Variants in CTXN2 observed in about 807,000 individuals in gnomAD.
CTXN2 encodes the protein cortexin 2, also known as cortexin-2.
Under a neutral mutation model 5.7 loss-of-function variants are expected in CTXN2, and 3 were observed. The observed-to-expected ratio is 0.53, with a 90% CI of 0.24 to 1.36. CTXN2 has a LOEUF of 1.36. Among genes scored for constraint, CTXN2 ranks in the 40% most tolerant of loss-of-function variants. The probability of loss-of-function intolerance (pLI) is 0.17; values close to 1 mark genes in which losing one functional copy is unlikely to be tolerated. For missense variants in CTXN2, 87 were observed against 93.0 expected, an observed-to-expected ratio of 0.94 and a Z score of 0.26; for synonymous variants, 38 against 36.4, an observed-to-expected ratio of 1.04 and a Z score of -0.16.
Position 48,203,223 on chromosome 15 carries a change from T to A in CTXN2, c.*1677T>A, listed in dbSNP as rs748390034. 4.2e-5 allele frequency: 7 copies of A among 167,124 alleles called. No individual in the cohort carries two copies. The highest frequency in any genetic ancestry group is 1.0e-4 in the Non-Finnish European group (7 of 68,136). 10.4% of individuals were successfully genotyped at this position (167,124 alleles called of 1,614,324 possible). A position where few individuals can be genotyped will look rare whatever the true frequency, so the allele number is the denominator to read the frequency against. On this transcript the variant is annotated 3_prime_UTR_variant, in exon 2 of 2. Transcript: ENST00000417307. ...ACTTCTACATAGCTTATAGGCATGG[T>A]TACTGCTCAGGTCTATGGAATTCCA...
chr15:48,189,713 G>T (rs2040795446), upstream of CTXN2, among the ~76,000 whole-genome samples: 1 of 152,172 alleles, frequency 6.6e-6, no homozygotes, highest in Non-Finnish European at 1.5e-5. Context: ...AACATACATA[G>T]AATAATAGAT....
At chr15:48,187,166 C>G (rs76856736), upstream of CTXN2, among the ~76,000 whole-genome samples, 202 of 150,612 alleles carry the variant, frequency 1.3e-3, 4 homozygotes, top group East Asian at 0.038. Flanking sequence ...TTCCTCCCCC[C>G]GAAACAATGA....
chr15:48,184,789 G>C (rs6493307), intron 1 of CTXN2, among the ~76,000 whole-genome samples: 151,710 of 152,282 alleles, frequency 1, 75,573 homozygotes, highest in Middle Eastern at 1. Context: ...CAATCACGCT[G>C]TTAGTTATTT....
In CTXN2 at chr15:48,202,521, A is replaced by G. The variant is rs2040936936; in HGVS notation, c.*975A>G. The G allele has an allele frequency of 1.2e-5, 2 of 167,098 alleles. No individual in the cohort carries two copies. The highest frequency in any genetic ancestry group is 3.1e-3 in the Middle Eastern group (1 of 318). 10.4% of individuals were successfully genotyped at this position (167,098 alleles called of 1,614,324 possible). On this transcript the variant is annotated 3_prime_UTR_variant, in exon 2 of 2. Coordinates refer to ENST00000417307, the MANE Select transcript of CTXN2 (RefSeq NM_001145668.2). ...AATTCTAATGTTAGCTTAGCCAAGA[A>G]CTAGCTTTATGACCTAGAAAGTTAC...
intron 1 of CTXN2, among the ~76,000 whole-genome samples, chr15:48,193,666 A>G (rs779624608): frequency 2.0e-5 from 3 of 152,088 alleles, no homozygotes; most frequent in Non-Finnish European, 2.9e-5. Context: ...TTTTATCTAT[A>G]ACTGTTGAGT....
chr15:48,186,627 G>A (rs568975227), intron 1 of CTXN2, among the ~76,000 whole-genome samples: 128 of 152,226 alleles, frequency 8.4e-4, no homozygotes, highest in African/African-American at 2.3e-3. Context: ...TTGGCCAGGC[G>A]CGTTGGCTCA....
chr15:48,196,888 T>C (rs1328744259), intron 1 of CTXN2, among the ~76,000 whole-genome samples: 1 of 152,052 alleles, frequency 6.6e-6, no homozygotes, highest in Non-Finnish European at 1.5e-5. Context: ...TTTTTCATGG[T>C]CTGTAATTTC....
chr15:48,191,101 A>G (rs1008438159), upstream of CTXN2: 3 of 152,464 alleles, frequency 2.0e-5, no homozygotes, highest in African/African-American at 7.2e-5. Context: ...TGTGTGGAAG[A>G]GAGAAGGGAA....
At position 48,191,698 on chromosome 15, in the gene CTXN2, A is replaced by G. The variant is rs1215283543; in HGVS notation, c.-213A>G. ...AACAGACACAGACATTTACACTTCT[A>G]GGCCAGGAAAGCGCTAACCAGGGCC... On this transcript the variant is annotated 5_prime_UTR_variant, in exon 1 of 2. Transcript: ENST00000417307. 6.6e-6 allele frequency: 3 copies of G among 455,838 alleles called. No individual in the cohort carries two copies. Among genetic ancestry groups the G allele is most frequent in the Non-Finnish European group, 8.8e-6 (2 of 226,762 alleles). The allele number at this position is 455,838 out of a possible 1,614,324, so 28.2% of individuals were successfully genotyped here. A position where few individuals can be genotyped will look rare whatever the true frequency, so the allele number is the denominator to read the frequency against.
rs145360552 is a variant in CTXN2, at chr15:48,198,808, T to C, written c.-57-2436T>C. On this transcript the variant is annotated intron_variant, in intron 1 of 1. Transcript: ENST00000417307. ...ACTGTGTCTGTGTCTACATTATGCATTTTCAAAACACCTAAATAAATTTAG... is the reference window on the plus strand; with the variant it reads ...ACTGTGTCTGTGTCTACATTATGCACTTTCAAAACACCTAAATAAATTTAG... Among the ~76,000 whole-genome samples the C allele has an allele frequency of 4.4e-3, 668 of 152,276 alleles. 5 individuals are homozygous for C. Among genetic ancestry groups the C allele is most frequent in the African/African-American group, 0.016 (645 of 41,566 alleles).
At chr15:48,196,290 G>A (rs1044616226) in intron 1 of CTXN2, among the ~76,000 whole-genome samples, 2 of 152,052 alleles carry the variant, frequency 1.3e-5, no homozygotes, top group Non-Finnish European at 2.9e-5. Context: ...TAAATTTTAT[G>A]TTCTAGCTTC....
In CTXN2 at chr15:48,201,677, C is replaced by T. The variant is rs541026551; in HGVS notation, c.*131C>T. On this transcript the variant is annotated 3_prime_UTR_variant, in exon 2 of 2. Transcript: ENST00000417307. ...TTCAATAAACATCTGTGACTAATTT[C>T]TTCACCATGCTGTGTAAATGATAAA... 3 of 839,192 alleles carry T rather than the reference C, an allele frequency of 3.6e-6. No individual in the cohort carries two copies. The African/African-American group carries it at 5.2e-5, about 14-fold the overall frequency. 52.0% of individuals were successfully genotyped at this position (839,192 alleles called of 1,614,324 possible).
At chr15:48,188,226 A>T (rs1226586002), upstream of CTXN2, among the ~76,000 whole-genome samples, 1 of 12,558 alleles carries the variant, frequency 8.0e-5, no homozygotes, top group African/African-American at 8.9e-5. Flanking sequence ...TAAGGTGATT[A>T]AAAAAAAAGA....
chr15:48,186,579 A>G (rs1369860611), intron 1 of CTXN2, among the ~76,000 whole-genome samples: 2 of 152,158 alleles, frequency 1.3e-5, no homozygotes, highest in Non-Finnish European at 2.9e-5. Flanking sequence ...GGGGAAAAAA[A>G]TAGAAAACTA....
chr15:48,183,353 T>G (rs1470782348), intron 1 of CTXN2, among the ~76,000 whole-genome samples: 1 of 152,168 alleles, frequency 6.6e-6, no homozygotes, highest in East Asian at 1.9e-4. Flanking sequence ...AAATGCTAAG[T>G]GGAAGCTCAG....
chr15:48,196,363 G>C (rs1006311366), intron 1 of CTXN2, among the ~76,000 whole-genome samples: 1 of 152,028 alleles, frequency 6.6e-6, no homozygotes, highest in African/African-American at 2.4e-5. Context: ...TCATATTTCA[G>C]CCACACTTTG....
chr15:48,195,218 G>T (rs548920098), intron 1 of CTXN2, among the ~76,000 whole-genome samples: 16 of 151,946 alleles, frequency 1.1e-4, no homozygotes, highest in Non-Finnish European at 2.1e-4. Context: ...ATAGTGTAGA[G>T]TCATCTTTGA....
intron 1 of CTXN2, among the ~76,000 whole-genome samples, chr15:48,180,097 T>TA (rs2040685872): frequency 6.6e-6 from 1 of 152,192 alleles, no homozygotes; most frequent in African/African-American, 2.4e-5. Flanking sequence ...AAAGTATAAT[T>TA]AAAAAATTAT....
At chr15:48,191,983 G>T in intron 1 of CTXN2, 130 bp downstream of exon 1, 1 of 380,196 alleles carries the variant, frequency 2.6e-6, no homozygotes, top group South Asian at 1.9e-5. Flanking sequence ...AAGAGCGGGG[G>T]GTGGGGCGGT....
Sources: gnomAD v4.1 joint callset for allele counts (sites outside exome capture counted in the v4.1 genomes callset) on GRCh38, gnomAD v4.1.1 for gene constraint, MANE v1.5 for transcripts, NCBI Gene and HGNC (gene_info 2026-07-23, HGNC 2026-07-21) for gene names.